PTK2B: variants seen among roughly 807,000 people sequenced by gnomAD.
PTK2B encodes protein tyrosine kinase 2 beta.
A neutral mutation model predicts 142.9 loss-of-function variants in PTK2B; 71 were observed. The ratio of observed to expected loss-of-function variants is 0.50; its 90% CI spans 0.41 to 0.61. PTK2B has a LOEUF of 0.61. Among genes scored for constraint, PTK2B ranks in the 20% least tolerant of loss-of-function variants. PTK2B has a pLI of 0.00. For missense variants in PTK2B, 1,105 were observed against 1,320.4 expected (o/e 0.84, Z 2.53); for synonymous variants, 519 against 503.4 (o/e 1.03, Z -0.42).
chr8:27,444,745 C>T (rs373916468), intron 23 of PTK2B, among the ~76,000 whole-genome samples: 2 of 152,300 alleles, frequency 1.3e-5, no homozygotes, highest in East Asian at 1.9e-4. Context: ...GCTGTGCGTC[C>T]CTGACCCTGA....
chr8:27,406,784 A>C (rs989216353), intron 2 of PTK2B, among the ~76,000 whole-genome samples: 1 of 152,238 alleles, frequency 6.6e-6, no homozygotes, highest in African/African-American at 2.4e-5. Context: ...ATTAGGAAGC[A>C]TTATGGTACC....
At chr8:27,455,481 G>A (rs1044302704) in intron 30 of PTK2B, among the ~76,000 whole-genome samples, 5 of 152,184 alleles carry the variant, frequency 3.3e-5, no homozygotes, top group Non-Finnish European at 7.3e-5. Flanking sequence ...CCTGGGAGGT[G>A]GAGGCTGCAG....
At chr8:27,327,937 T>C (rs1803518142) in intron 1 of PTK2B, among the ~76,000 whole-genome samples, 1 of 152,214 alleles carries the variant, frequency 6.6e-6, no homozygotes, top group Non-Finnish European at 1.5e-5. Flanking sequence ...CTTCACAGGG[T>C]TGAGCAAAGC....
At position 27,406,986 on chromosome 8, in the gene PTK2B, C is replaced by T. The variant is rs183781004; in HGVS notation, c.204+9198C>T. Among the ~76,000 whole-genome samples the T allele has an allele frequency of 4.0e-4, 61 of 152,266 alleles. No individual in the cohort carries two copies. In the East Asian group the frequency reaches 4.2e-3, roughly 11 times the overall value. On this transcript the variant is annotated intron_variant, in intron 2 of 30. Coordinates refer to ENST00000346049, the MANE Select transcript of PTK2B (RefSeq NM_173176.3). ...TCTGTGAAGGCCACCTGGTACTCTC[C>T]CAACTGATCTTTATTGTTCTTCATC...
chr8:27,352,219 C>T (rs1367959217), intron 1 of PTK2B, among the ~76,000 whole-genome samples: 2 of 152,238 alleles, frequency 1.3e-5, no homozygotes, highest in Admixed American at 1.3e-4. Context: ...CTCCCCATCA[C>T]CCCATTACTT....
chr8:27,357,929 A>C (rs1158260344), intron 1 of PTK2B, among the ~76,000 whole-genome samples: 1 of 152,206 alleles, frequency 6.6e-6, no homozygotes, highest in Non-Finnish European at 1.5e-5. Context: ...CTCCCCAGTC[A>C]TGTGACCTCT....
intron 2 of PTK2B, among the ~76,000 whole-genome samples, chr8:27,312,963 TG>T (rs1803014035): frequency 2.0e-5 from 3 of 152,160 alleles, no homozygotes; most frequent in Admixed American, 2.0e-4. Flanking sequence ...CTTGCCTCCT[TG>T]GAAGAAAGAA....
intron 2 of PTK2B, among the ~76,000 whole-genome samples, chr8:27,312,969 A>G: frequency 6.6e-6 from 1 of 152,210 alleles, no homozygotes; most frequent in Non-Finnish European, 1.5e-5. Context: ...TCCTTGGAAG[A>G]AAGAATTAGA....
intron 1 of PTK2B, among the ~76,000 whole-genome samples, chr8:27,353,779 T>A (rs192057326): frequency 9.2e-5 from 14 of 152,334 alleles, no homozygotes; most frequent in Admixed American, 9.2e-4. Flanking sequence ...GACCTGACTA[T>A]GGGTGGCTCT....
At chr8:27,410,091 A>G (rs1318995548) in intron 2 of PTK2B, among the ~76,000 whole-genome samples, 1 of 152,230 alleles carries the variant, frequency 6.6e-6, no homozygotes, top group African/African-American at 2.4e-5. Flanking sequence ...TCATCTTACT[A>G]AAACAAACAA....
At chr8:27,344,129 G>C (rs1235915912) in intron 1 of PTK2B, among the ~76,000 whole-genome samples, 1 of 152,110 alleles carries the variant, frequency 6.6e-6, no homozygotes, top group East Asian at 1.9e-4. Context: ...TTACTCTTTA[G>C]GGAAATGGCA....
chr8:27,448,240 G>A (rs1586352387), intron 24 of PTK2B, among the ~76,000 whole-genome samples: 2 of 152,350 alleles, frequency 1.3e-5, no homozygotes, highest in East Asian at 3.9e-4. Context: ...ACAGCAGGAA[G>A]GGTACTTGTG....
chr8:27,395,042 C>A (rs1379980420), intron 1 of PTK2B, among the ~76,000 whole-genome samples: 1 of 152,028 alleles, frequency 6.6e-6, no homozygotes, highest in Non-Finnish European at 1.5e-5. Flanking sequence ...CCTGAAGGAC[C>A]TGGCTGAGGC....
At chr8:27,440,946 G>C (rs1038325083) in intron 21 of PTK2B, among the ~76,000 whole-genome samples, 2 of 152,092 alleles carry the variant, frequency 1.3e-5, no homozygotes, top group African/African-American at 4.8e-5. Flanking sequence ...CCTAGGTCTG[G>C]GGAGGTCACT....
At chr8:27,346,910 C>G (rs1383389938) in intron 1 of PTK2B, among the ~76,000 whole-genome samples, 1 of 152,222 alleles carries the variant, frequency 6.6e-6, no homozygotes, top group Admixed American at 6.5e-5. Flanking sequence ...AGAATGATGA[C>G]TGTTTTGCAG....
At chr8:27,368,276 C>T (rs1344715285) in intron 1 of PTK2B, among the ~76,000 whole-genome samples, 2 of 152,228 alleles carry the variant, frequency 1.3e-5, no homozygotes, top group East Asian at 1.9e-4. Flanking sequence ...CCCTCCTTGA[C>T]CGAACCTTAG....
intron 1 of PTK2B, among the ~76,000 whole-genome samples, chr8:27,353,192 A>G (rs906267193): frequency 1.2e-4 from 18 of 152,236 alleles, no homozygotes; most frequent in Non-Finnish European, 1.5e-5. Context: ...GAAGAGACCC[A>G]GAAGATTTAC....
chr8:27,439,905 G>A (rs371002829), intron 20 of PTK2B, among the ~76,000 whole-genome samples: 5 of 152,164 alleles, frequency 3.3e-5, no homozygotes, highest in African/African-American at 1.2e-4. Flanking sequence ...GTTGGTGCGA[G>A]GCTTCCATTT....
chr8:27,449,877 G>C (rs1448798089), intron 24 of PTK2B, among the ~76,000 whole-genome samples: 1 of 152,204 alleles, frequency 6.6e-6, no homozygotes, highest in Non-Finnish European at 1.5e-5. Flanking sequence ...TAGATTACTA[G>C]ATCTAGGGAG....
Sources: allele counts gnomAD v4.1 joint callset (sites outside exome capture counted in the v4.1 genomes callset), GRCh38; gene constraint gnomAD v4.1.1; transcripts MANE v1.5; gene names NCBI Gene and HGNC (gene_info 2026-07-23, HGNC 2026-07-21).